Variants in KRT13 observed in about 807,000 individuals in gnomAD.
KRT13 encodes the protein keratin, type I cytoskeletal 13.
KRT13 carries 27 observed loss-of-function variants against 40.6 expected under a neutral mutation model. That is an observed-to-expected ratio of 0.67 (90% CI 0.49 to 0.92). The LOEUF is 0.92. Ranked by LOEUF, KRT13 falls within the 40% of genes least tolerant of loss-of-function variation. The pLI, the probability that KRT13 is intolerant of heterozygous loss-of-function variation, is 0.00. For synonymous variants in KRT13, 266 were observed against 240.3 expected (o/e 1.11, Z -0.99); for missense variants, 605 against 611.5 (o/e 0.99, Z 0.11).
chr17:41,501,780 G>A, intron 6 of KRT13, 36 bp from the exon 7 acceptor site: 3 of 1,587,094 alleles, frequency 1.9e-6, no homozygotes, highest in East Asian at 2.3e-5. Flanking sequence ...TGAGCAGAGG[G>A]TAACTGAGGG....
chr17:41,501,442 C>T lies in KRT13; in HGVS notation c.1271-80G>A, dbSNP rs1314519134. On this transcript the variant is annotated intron_variant, in intron 7 of 7. Coordinates refer to ENST00000246635, the MANE Select transcript of KRT13 (RefSeq NM_153490.3). The stretch of plus-strand genomic sequence containing the variant: ...GGGCAGGGCCCCCCTGGAGGGCTCA[C>T]AAACTCCTCATTAGTCAGGTGGTGC... The T allele has an allele frequency of 4.1e-6, 5 of 1,211,494 alleles. No homozygotes were observed. The African/African-American group carries it at 7.5e-5, about 18-fold the overall frequency. The allele number at this position is 1,211,494 out of a possible 1,614,324, so 75.0% of individuals were successfully genotyped here. A position where few individuals can be genotyped will look rare whatever the true frequency, so the allele number is the denominator to read the frequency against.
Position 41,505,573 on chromosome 17 carries a change from G to A in KRT13, c.-23C>T, listed in dbSNP as rs781478241. 1.2e-6 allele frequency: 2 copies of A among 1,613,938 alleles called. No homozygotes were observed. Among genetic ancestry groups the A allele is most frequent in the Non-Finnish European group, 8.5e-7 (1 of 1,180,040 alleles). On this transcript the variant is annotated 5_prime_UTR_variant, in exon 1 of 8. Coordinates refer to ENST00000246635, the MANE Select transcript of KRT13 (RefSeq NM_153490.3). ...CATGGTGAGAGCAGGATTGAGAGCA[G>A]GTGCAGATAGAAGCTTGCTTGGCCT...
In KRT13 at chr17:41,505,473, G is replaced by T. The variant is rs1905034251; in HGVS notation, c.78C>A (p.Gly26=). 1 of 1,613,998 alleles carries T rather than the reference G, an allele frequency of 6.2e-7. No individual in the cohort carries two copies. Among genetic ancestry groups the T allele is most frequent in the African/African-American group, 1.3e-5 (1 of 74,934 alleles). ...FGGGSCQLGG[G]RGVSTCSTRF... ...GAGTTGAACAGGTAGAGACACCACG[G>T]CCTCCTCCCAGCTGGCAAGAGCCAC... Residue 26 remains glycine, a synonymous_variant, in exon 1 of 8, where the codon GGC becomes GGA. Coordinates refer to ENST00000246635, the MANE Select transcript of KRT13 (RefSeq NM_153490.3).
At chr17:41,501,466 G>A (rs752120397) in intron 7 of KRT13, 104 bp from the exon 8 acceptor site, 4 of 1,098,946 alleles carry the variant, frequency 3.6e-6, no homozygotes, top group African/African-American at 3.1e-5. Context: ...GTCAGGTGGT[G>A]CGTGGATGGA....
At chr17:41,504,335 C>T (rs1904986774) in intron 1 of KRT13, 1 of 158,350 alleles carries the variant, frequency 6.3e-6, no homozygotes. Context: ...AGGAGGGACT[C>T]GGCTTGGTGC....
At chr17:41,502,661 CA>C in intron 5 of KRT13, 25 bp downstream of exon 5, 1 of 1,613,462 alleles carries the variant, frequency 6.2e-7, no homozygotes, top group Non-Finnish European at 8.5e-7. Flanking sequence ...AGGTGGTCGC[CA>C]CCGGGCAGGA....
rs749496713 is a variant in KRT13, at chr17:41,502,606, A to G, written c.1024-12T>C. ...TCCAGCCCCGCTTTCTGGTGGAGCG[A>G]CAGACAAGAAGTTACAGAGGGAGCC... On this transcript the variant is annotated splice_polypyrimidine_tract_variant and intron_variant, in intron 5 of 7. Transcript: ENST00000246635. The G allele has an allele frequency of 6.2e-7, 1 of 1,613,314 alleles. No individual in the cohort carries two copies. The highest frequency in any genetic ancestry group is 1.3e-5 in the African/African-American group (1 of 75,058).
chr17:41,503,790 C>T, intron 1 of KRT13, 65 bp from the exon 2 acceptor site: 1 of 1,221,448 alleles, frequency 8.2e-7, no homozygotes, highest in Non-Finnish European at 1.2e-6. Context: ...TTCCCTGGGC[C>T]ACATTGGAAG....
rs1253725185 is a variant in KRT13 at position 41,503,284 on chromosome 17, C to T, written c.735+3G>A. ...CCCAGGGCAGCCTGCAATTCCCGCT[C>T]ACCTCTTCATGGTTCTTCTTCATGT... On this transcript the variant is annotated splice_donor_region_variant and intron_variant, in intron 3 of 7. Transcript: ENST00000246635. 1 of 1,614,040 alleles carries T rather than the reference C, an allele frequency of 6.2e-7. No homozygotes were observed. The highest frequency in any genetic ancestry group is 1.3e-5 in the African/African-American group (1 of 74,930).
In KRT13 at chr17:41,502,678, C is replaced by A; in HGVS notation, c.1023+9G>T. Reference sequence around the variant, plus strand: ...GTGGTCGCCACCGGGCAGGAGGCTGCAGGCATACCATGCTCAGCTGGGACT... The same window carrying A: ...GTGGTCGCCACCGGGCAGGAGGCTGAAGGCATACCATGCTCAGCTGGGACT... On this transcript the variant is annotated intron_variant, in intron 5 of 7. Transcript: ENST00000246635. The A allele has an allele frequency of 6.2e-7, 1 of 1,613,798 alleles. No homozygotes were observed. Among genetic ancestry groups the A allele is most frequent in the Non-Finnish European group, 8.5e-7 (1 of 1,180,044 alleles).
chr17:41,502,412 G>A lies in KRT13; in HGVS notation c.1206C>T (p.Ile402=), dbSNP rs751138953. The A allele has an allele frequency of 1.5e-5, 24 of 1,614,234 alleles. No homozygotes were observed. Among genetic ancestry groups the A allele is most frequent in the African/African-American group, 9.3e-5 (7 of 75,062 alleles). ...LDIKTRLEQE[I]ATYRSLLEGQ... ...CCTCGAGCAGGCTGCGGTAGGTGGCGATCTCCTGCTCCAGACGTGTCTTGA... is the reference window on the plus strand; with the variant it reads ...CCTCGAGCAGGCTGCGGTAGGTGGCAATCTCCTGCTCCAGACGTGTCTTGA... The change falls in exon 6 of 8, where the codon ATC becomes ATT. Residue 402 remains isoleucine, a synonymous_variant. Coordinates refer to ENST00000246635, the MANE Select transcript of KRT13 (RefSeq NM_153490.3).
chr17:41,503,224 G>GGGA, intron 3 of KRT13, 63 bp downstream of exon 3: 1 of 1,607,978 alleles, frequency 6.2e-7, no homozygotes, highest in Non-Finnish European at 8.5e-7. Flanking sequence ...CCAGTTGCAG[G>GGGA]GGAGGGCTCC....
At chr17:41,502,342 C>G in intron 6 of KRT13, 32 bp downstream of exon 6, 7 of 1,613,672 alleles carry the variant, frequency 4.3e-6, no homozygotes, top group African/African-American at 2.7e-5. Context: ...CCTGCAGTCA[C>G]TATCCTAAGA....
intron 6 of KRT13, chr17:41,502,042 C>T: frequency 7.1e-7 from 1 of 1,415,340 alleles, no homozygotes. Context: ...AGCCCTGAGC[C>T]CACAGGGGTG....
rs538303362 is a variant in KRT13, at chr17:41,502,486, G to A, written c.1132C>T (p.Arg378Cys). Residue 378 changes from arginine to cysteine, a missense_variant, in exon 6 of 8, where the codon CGC becomes TGC. Transcript: ENST00000246635. ...SSIEAQLSEL[R>C]SEMECQNQEY... is the part of the protein sequence containing the mutation. ...TGGTTCTGGCACTCCATCTCACTGC[G>A]GAGCTCGCTCAGCTGGGCCTCGATG... 51 of 1,614,038 alleles carry A rather than the reference G, an allele frequency of 3.2e-5. No individual in the cohort carries two copies. Among genetic ancestry groups the A allele is most frequent in the Admixed American group, 1.2e-4 (7 of 60,010 alleles).
At position 41,505,209 on chromosome 17, in the gene KRT13, G is replaced by A; in HGVS notation, c.342C>T (p.Arg114=). The A allele has an allele frequency of 6.2e-7, 1 of 1,614,208 alleles. No homozygotes were observed. The highest frequency in any genetic ancestry group is 8.5e-7 in the Non-Finnish European group (1 of 1,180,032). Residue 114 remains arginine (R), a synonymous_variant, in exon 1 of 8, where the codon CGC becomes CGT. Coordinates refer to ENST00000246635, the MANE Select transcript of KRT13 (RefSeq NM_153490.3). ...GCACCTTCTCCAGGTAGGAAGCCAG[G>A]CGGTCGTTGAGGTTCTGCATGGTGA... ...EKITMQNLND[R]LASYLEKVRA...
chr17:41,504,046 G>T (rs962723558), intron 1 of KRT13: 1 of 387,074 alleles, frequency 2.6e-6, no homozygotes, highest in Non-Finnish European at 4.9e-6. Context: ...GGCAGGACCT[G>T]GTTCCCATGG....
Position 41,502,927 on chromosome 17 carries a change from G to A in KRT13, c.897+10C>T, listed in dbSNP as rs1408264937. On this transcript the variant is annotated intron_variant, in intron 4 of 7. Coordinates refer to ENST00000246635, the MANE Select transcript of KRT13 (RefSeq NM_153490.3). Reference sequence around the variant, plus strand: ...TGGGATGGGCTATGTGGGGTGGGAGGGCCGGGTACCTTGGTGTGGAACCAT... The same window carrying A: ...TGGGATGGGCTATGTGGGGTGGGAGAGCCGGGTACCTTGGTGTGGAACCAT... 1 of 1,614,052 alleles carries A rather than the reference G, an allele frequency of 6.2e-7. No homozygotes were observed. Among genetic ancestry groups the A allele is most frequent in the Non-Finnish European group, 8.5e-7 (1 of 1,179,976 alleles).
rs761510147 is a variant in KRT13, at chr17:41,503,296, G to T, written c.726C>A (p.Asn242Lys). The change falls in exon 3 of 8, where the codon AAC (asparagine) becomes AAA (lysine). Residue 242 changes from asparagine (N) to lysine (K), a missense_variant. Coordinates refer to ENST00000246635, the MANE Select transcript of KRT13 (RefSeq NM_153490.3). ...TGCAATTCCCGCTCACCTCTTCATG[G>T]TTCTTCTTCATGTAGGCTAGCTCTT... ...LNEELAYMKK[N>K]HEEEMKEFSN... 2.5e-6 allele frequency: 4 copies of T among 1,614,028 alleles called. No homozygotes were observed. Among genetic ancestry groups the T allele is most frequent in the Non-Finnish European group, 1.7e-6 (2 of 1,180,022 alleles).
Sources: gnomAD v4.1 joint callset for allele counts on GRCh38, gnomAD v4.1.1 for gene constraint, MANE v1.5 for transcripts, NCBI Gene and HGNC (gene_info 2026-07-23, HGNC 2026-07-21) for gene names.